Variants in CADM2 observed in about 807,000 individuals in gnomAD.
CADM2 encodes cell adhesion molecule 2.
Under a neutral mutation model 49.8 loss-of-function variants are expected in CADM2, and 12 were observed. The observed-to-expected ratio is 0.24, with a 90% CI of 0.15 to 0.39. The LOEUF is 0.39. Among genes scored for constraint, CADM2 ranks in the 10% least tolerant of loss-of-function variants. The pLI is 1.00. For synonymous variants in CADM2, 214 were observed against 175.4 expected (o/e 1.22, Z -1.74); for missense variants, 378 against 492.3 (o/e 0.77, Z 2.20).
intron 8 of CADM2, among the ~76,000 whole-genome samples, chr3:86,031,097 G>C (rs948004552): frequency 6.6e-6 from 1 of 151,680 alleles, no homozygotes; most frequent in Non-Finnish European, 1.5e-5. Context: ...TGAATAAACA[G>C]ACTTAGGAAG....
intron 8 of CADM2, among the ~76,000 whole-genome samples, chr3:85,975,574 A>G (rs369208215): frequency 1.3e-4 from 19 of 151,700 alleles, no homozygotes; most frequent in East Asian, 7.8e-4. Context: ...TATTTTATCA[A>G]TTGCTGACTC....
chr3:85,337,736 G>A (rs2045128273), intron 1 of CADM2, among the ~76,000 whole-genome samples: 1 of 151,286 alleles, frequency 6.6e-6, no homozygotes, highest in Non-Finnish European at 1.5e-5. Context: ...CCAAAACTAA[G>A]CCTGGATTTT....
intron 1 of CADM2, among the ~76,000 whole-genome samples, chr3:85,350,161 G>A (rs1445909233): frequency 6.6e-6 from 1 of 152,126 alleles, no homozygotes; most frequent in Non-Finnish European, 1.5e-5. Context: ...AGTTCTTAGT[G>A]TCTATACTGA....
At chr3:85,550,641 T>C (rs915381469) in intron 1 of CADM2, among the ~76,000 whole-genome samples, 1 of 152,204 alleles carries the variant, frequency 6.6e-6, no homozygotes, top group Non-Finnish European at 1.5e-5. Context: ...TAAATTTATA[T>C]GCAAGATTCT....
chr3:85,867,512 A>G (rs184114234), intron 3 of CADM2, among the ~76,000 whole-genome samples: 3 of 152,194 alleles, frequency 2.0e-5, no homozygotes, highest in East Asian at 3.9e-4. Context: ...TCAAAAGTAA[A>G]TGTATTTTGT....
chr3:85,151,244 T>C, intron 1 of CADM2, among the ~76,000 whole-genome samples: 1 of 152,124 alleles, frequency 6.6e-6, no homozygotes, highest in East Asian at 1.9e-4. Context: ...TTTTGGGCTT[T>C]TCTTTACTAT....
At chr3:86,024,575 C>A (rs113485282) in intron 8 of CADM2, among the ~76,000 whole-genome samples, 14 of 152,034 alleles carry the variant, frequency 9.2e-5, no homozygotes, top group African/African-American at 3.4e-4. Context: ...AATGCTCTGC[C>A]ATTAATACAT....
intron 1 of CADM2, among the ~76,000 whole-genome samples, chr3:85,645,519 T>A (rs1025727660): frequency 6.6e-6 from 1 of 151,994 alleles, no homozygotes; most frequent in South Asian, 2.1e-4. Context: ...GTCTTATTAG[T>A]AAGGTGGTTA....
chr3:85,027,301 A>C (rs1196151780), intron 1 of CADM2, among the ~76,000 whole-genome samples: 6 of 151,008 alleles, frequency 4.0e-5, no homozygotes, highest in Admixed American at 4.0e-4. Flanking sequence ...TTTTTCGTAG[A>C]GATGGGGTTT....
chr3:85,132,266 A>T (rs1236556322), intron 1 of CADM2, among the ~76,000 whole-genome samples: 4 of 152,210 alleles, frequency 2.6e-5, no homozygotes, highest in Admixed American at 1.3e-4. Flanking sequence ...GCACCTGATC[A>T]CTGACTGTAA....
intron 3 of CADM2, among the ~76,000 whole-genome samples, chr3:85,814,765 T>C (rs946753809): frequency 6.6e-6 from 1 of 152,000 alleles, no homozygotes; most frequent in Admixed American, 6.6e-5. Context: ...AATTCTATAG[T>C]ATATTCTATT....
chr3:85,369,969 A>G (rs529725447), intron 1 of CADM2, among the ~76,000 whole-genome samples: 42 of 151,738 alleles, frequency 2.8e-4, no homozygotes, highest in African/African-American at 1.0e-3. Flanking sequence ...GATGTTTTTA[A>G]TTAAAAAAAA....
At position 86,065,879 on chromosome 3, in the gene CADM2, A is replaced by C. The variant is rs552069247; in HGVS notation, c.1096+149A>C. The stretch of plus-strand genomic sequence containing the variant: ...TGCTAAATTATTTCAGCGAATTCTT[A>C]ATTATTTTACTTAAATTTAAAGTTG... On this transcript the variant is annotated intron_variant, in intron 9 of 9. Coordinates refer to ENST00000383699, the MANE Select transcript of CADM2 (RefSeq NM_001167675.2). The C allele has an allele frequency of 1.3e-4, 104 of 814,180 alleles. 1 individual carries two copies. In the South Asian group the frequency reaches 2.6e-3, roughly 21 times the overall value. The allele number at this position is 814,180 out of a possible 1,614,324, so 50.4% of individuals were successfully genotyped here.
intron 1 of CADM2, among the ~76,000 whole-genome samples, chr3:85,408,005 A>C (rs942487127): frequency 2.8e-5 from 3 of 108,678 alleles, no homozygotes; most frequent in Non-Finnish European, 5.8e-5. Context: ...AAAACAAAAC[A>C]AAACCAAAAA....
chr3:85,698,098 T>C (rs2066626282), intron 1 of CADM2, among the ~76,000 whole-genome samples: 1 of 152,230 alleles, frequency 6.6e-6, no homozygotes, highest in Non-Finnish European at 1.5e-5. Context: ...ACTTGGTAGC[T>C]TAAAGTAATA....
intron 1 of CADM2, among the ~76,000 whole-genome samples, chr3:85,425,895 A>C (rs2036380046): frequency 6.6e-6 from 1 of 152,202 alleles, no homozygotes; most frequent in South Asian, 2.1e-4. Flanking sequence ...GGAGGTCTAA[A>C]GGGCAGGCAC....
chr3:85,026,404 A>G (rs2034729594), intron 1 of CADM2, among the ~76,000 whole-genome samples: 1 of 152,134 alleles, frequency 6.6e-6, no homozygotes, highest in Non-Finnish European at 1.5e-5. Context: ...AATGCCAATA[A>G]CTTCCTAGTT....
chr3:85,036,648 C>T, intron 1 of CADM2, among the ~76,000 whole-genome samples: 1 of 152,104 alleles, frequency 6.6e-6, no homozygotes, highest in East Asian at 1.9e-4. Context: ...CTAGAAGTAA[C>T]TCTATTATAT....
chr3:85,520,195 GT>G (rs2060999438), intron 1 of CADM2, among the ~76,000 whole-genome samples: 1 of 151,762 alleles, frequency 6.6e-6, no homozygotes, highest in Non-Finnish European at 1.5e-5. Context: ...AATATCATCT[GT>G]GAATTATTTA....
Sources: allele counts gnomAD v4.1 joint callset (sites outside exome capture counted in the v4.1 genomes callset), GRCh38; gene constraint gnomAD v4.1.1; transcripts MANE v1.5; gene names NCBI Gene and HGNC (gene_info 2026-07-23, HGNC 2026-07-21).